Variants in PNPLA8 observed in about 807,000 individuals in gnomAD.
The protein encoded by PNPLA8 is calcium-independent phospholipase A2-gamma.
PNPLA8 carries 39 observed loss-of-function variants against 76.9 expected under a neutral mutation model. The observed-to-expected ratio is 0.51, with a 90% confidence interval of 0.39 to 0.66. The LOEUF is 0.66. PNPLA8 is among the 30% of genes least tolerant of loss of function. The pLI, the probability that PNPLA8 is intolerant of heterozygous loss-of-function variation, is 0.00. For missense variants in PNPLA8, 887 were observed against 918.0 expected (o/e 0.97, Z 0.44); for synonymous variants, 301 against 307.9 (o/e 0.98, Z 0.24).
At position 108,472,432 on chromosome 7, in the gene PNPLA8, T is replaced by G. The variant is rs148359582; in HGVS notation, c.2318A>C (p.Tyr773Ser). 1 of 1,592,114 alleles carries G rather than the reference T, an allele frequency of 6.3e-7. No individual in the cohort carries two copies. The highest frequency in any genetic ancestry group is 1.4e-5 in the African/African-American group (1 of 73,604). The change falls in exon 11 of 11, where the codon TAT becomes TCT. Residue 773 changes from tyrosine to serine, a missense_variant. Tyr to Ser is a moderately radical substitution (Grantham distance 144). Transcript: ENST00000257694. ...TTTTGAAAAGAATGGAAGTCCTTCA[T>G]ACATATCAGTTTTTAATTTTATCCA... Reference protein sequence around the residue: ...NDWIKLKTDMYEGLPFFSKL With the variant: ...NDWIKLKTDMSEGLPFFSKL
chr7:108,500,501 G>A (rs571200639), intron 5 of PNPLA8, among the ~76,000 whole-genome samples: 3 of 152,278 alleles, frequency 2.0e-5, no homozygotes, highest in African/African-American at 2.4e-5. Flanking sequence ...AGAAAGAACT[G>A]TCTTTCCTCA....
At chr7:108,527,602 C>A (rs1864138622), upstream of PNPLA8, 5 of 152,078 alleles carry the variant, frequency 3.3e-5, no homozygotes, top group Non-Finnish European at 1.5e-5. Context: ...AGTTTTAATA[C>A]AACAAAAACA....
chr7:108,521,228 A>G (rs80177475), intron 2 of PNPLA8, among the ~76,000 whole-genome samples: 163 of 152,344 alleles, frequency 1.1e-3, no homozygotes, highest in African/African-American at 3.8e-3. Context: ...AGGAAAATAA[A>G]GAGTCGAAAA....
intron 4 of PNPLA8, chr7:108,510,091 T>C: frequency 2.1e-6 from 1 of 469,992 alleles, no homozygotes; most frequent in Middle Eastern, 5.6e-4. Context: ...GATGAGTTAG[T>C]GGGTGCAGCG....
intron 9 of PNPLA8, among the ~76,000 whole-genome samples, chr7:108,481,348 C>T (rs1242502610): frequency 6.6e-6 from 1 of 152,204 alleles, no homozygotes; most frequent in Non-Finnish European, 1.5e-5. Flanking sequence ...GTTCCAGTTG[C>T]TCTGCATCTT....
intron 4 of PNPLA8, chr7:108,510,713 A>G (rs1862854458): frequency 6.2e-7 from 1 of 1,600,468 alleles, no homozygotes. Context: ...TTATGGCAAA[A>G]TCAATAAGAA....
intron 6 of PNPLA8, among the ~76,000 whole-genome samples, chr7:108,497,056 T>TA (rs1861600911): frequency 1.3e-5 from 2 of 152,184 alleles, no homozygotes; most frequent in South Asian, 4.1e-4. Context: ...TAAAAATATT[T>TA]ACAAATGTGT....
At chr7:108,521,092 A>C (rs1460569669) in intron 2 of PNPLA8, among the ~76,000 whole-genome samples, 1 of 152,144 alleles carries the variant, frequency 6.6e-6, no homozygotes, top group Non-Finnish European at 1.5e-5. Flanking sequence ...GTTACAAAAC[A>C]TGCAAAGAAA....
Position 108,515,580 on chromosome 7 carries a change from A to G in PNPLA8, c.-83-6T>C, listed in dbSNP as rs1863280706. The G allele has an allele frequency of 1.4e-5, 18 of 1,263,288 alleles. No homozygotes were observed. In the East Asian group the frequency reaches 5.3e-4, roughly 37 times the overall value. 78.3% of individuals were successfully genotyped at this position (1,263,288 alleles called of 1,614,324 possible). A position where few individuals can be genotyped will look rare whatever the true frequency, so the allele number is the denominator to read the frequency against. ...GCCATAATTCATGGTCTTACCTGAA[A>G]TGGCAAGAAAAAAAATTAGAATTCA... On this transcript the variant is annotated splice_polypyrimidine_tract_variant and splice_region_variant and intron_variant, in intron 2 of 10. Coordinates refer to ENST00000257694, the MANE Select transcript of PNPLA8 (RefSeq NM_001256007.3).
At chr7:108,502,181 G>A (rs966164618) in intron 5 of PNPLA8, among the ~76,000 whole-genome samples, 2 of 151,156 alleles carry the variant, frequency 1.3e-5, no homozygotes, top group Non-Finnish European at 2.9e-5. Context: ...AGTGGCTCGC[G>A]CCTGTAATCC....
At chr7:108,509,945 C>T (rs1044243335) in intron 4 of PNPLA8, among the ~76,000 whole-genome samples, 2 of 141,776 alleles carry the variant, frequency 1.4e-5, no homozygotes, top group Non-Finnish European at 3.0e-5. Flanking sequence ...CCAAACACCG[C>T]ATATTCTCAC....
chr7:108,527,612 A>G (rs918267805), upstream of PNPLA8: 3 of 152,350 alleles, frequency 2.0e-5, no homozygotes, highest in East Asian at 5.8e-4. Context: ...CAACAAAAAC[A>G]GCTAGGATTT....
At chr7:108,505,305 TATATA>T in intron 4 of PNPLA8, among the ~76,000 whole-genome samples, 1 of 2,970 alleles carries the variant, frequency 3.4e-4, no homozygotes, top group Non-Finnish European at 5.5e-4. Context: ...AAAATTTATA[TATATA>T]TATATATATA....
intron 9 of PNPLA8, among the ~76,000 whole-genome samples, chr7:108,487,530 A>G (rs754929622): frequency 6.6e-6 from 1 of 152,130 alleles, no homozygotes; most frequent in Non-Finnish European, 1.5e-5. Context: ...TGGGCTACGA[A>G]TCACACTATA....
intron 5 of PNPLA8, 80 bp from the exon 6 acceptor site, chr7:108,497,657 T>C: frequency 1.5e-6 from 1 of 689,576 alleles, no homozygotes; most frequent in East Asian, 3.2e-5. Flanking sequence ...AACAATCTAA[T>C]AATTGCTTTT....
intron 4 of PNPLA8, among the ~76,000 whole-genome samples, chr7:108,513,138 A>G (rs1863058416): frequency 6.6e-6 from 1 of 152,180 alleles, no homozygotes; most frequent in Admixed American, 6.5e-5. Flanking sequence ...AAGCTAAGGT[A>G]TTTTATTATG....
At chr7:108,521,166 T>G (rs1863713341) in intron 2 of PNPLA8, among the ~76,000 whole-genome samples, 1 of 151,808 alleles carries the variant, frequency 6.6e-6, no homozygotes, top group South Asian at 2.1e-4. Flanking sequence ...TAACTAAGAT[T>G]TAGAAATAGA....
In PNPLA8 at chr7:108,484,830, A is replaced by G. The variant is rs77894736; in HGVS notation, c.1878+2929T>C. On this transcript the variant is annotated intron_variant, in intron 9 of 10. Transcript: ENST00000257694. ...AGGAAGCACAAACAATATGCCAACTATGGTTAAAAATCTTTATATCCTTCC... is the reference window on the plus strand; with the variant it reads ...AGGAAGCACAAACAATATGCCAACTGTGGTTAAAAATCTTTATATCCTTCC... Among the ~76,000 whole-genome samples the G allele has an allele frequency of 3.1e-3, 465 of 152,294 alleles. 1 individual carries two copies. The highest frequency in any genetic ancestry group is 5.4e-3 in the Non-Finnish European group (364 of 68,024).
chr7:108,521,549 C>T (rs904464437), intron 1 of PNPLA8, 28 bp from the exon 2 acceptor site: 5 of 440,128 alleles, frequency 1.1e-5, no homozygotes, highest in Non-Finnish European at 1.2e-5. Flanking sequence ...AAATAATAAA[C>T]GTAATGTATA....
Sources: allele counts gnomAD v4.1 joint callset (sites outside exome capture counted in the v4.1 genomes callset), GRCh38; gene constraint gnomAD v4.1.1; transcripts MANE v1.5; gene names NCBI Gene and HGNC (gene_info 2026-07-23, HGNC 2026-07-21).